The following GUCY2F variants were observed in gnomAD, a reference collection of about 807,000 sequenced individuals.
GUCY2F encodes retinal guanylyl cyclase 2.
Under a neutral mutation model 73.1 loss-of-function variants are expected in GUCY2F, and 61 were observed. The ratio of observed to expected loss-of-function variants is 0.83; its 90% CI spans 0.68 to 1.03. The LOEUF is 1.03. Among genes scored for constraint, GUCY2F ranks in the 50% least tolerant of loss-of-function variants. The pLI, the probability that GUCY2F is intolerant of heterozygous loss-of-function variation, is 0.00. For missense variants in GUCY2F, 912 were observed against 854.3 expected, an observed-to-expected ratio of 1.07 and a Z score of -0.84; for synonymous variants, 331 against 307.8, an observed-to-expected ratio of 1.08 and a Z score of -0.79.
At chrX:109,399,848 C>A (rs761673676) in intron 10 of GUCY2F, among the ~76,000 whole-genome samples, 16 of 108,909 alleles carry the variant, frequency 1.5e-4, no homozygotes, top group Non-Finnish European at 2.9e-4. Context: ...GAACAAGAGG[C>A]AGAAAGGAGC....
intron 2 of GUCY2F, among the ~76,000 whole-genome samples, chrX:109,470,366 C>A (rs930181992): frequency 9.0e-6 from 1 of 111,675 alleles, no homozygotes; most frequent in Non-Finnish European, 1.9e-5. Flanking sequence ...TTACATTATA[C>A]CAAATCCTAT....
intron 17 of GUCY2F, among the ~76,000 whole-genome samples, chrX:109,376,777 T>C (rs1214257562): frequency 3.6e-5 from 4 of 111,696 alleles, no homozygotes; most frequent in African/African-American, 1.3e-4. Flanking sequence ...AAACTCAAGC[T>C]AGTCACCCCA....
At chrX:109,376,256 T>C in intron 17 of GUCY2F, 89 bp from the exon 18 acceptor site, 1 of 631,662 alleles carries the variant, frequency 1.6e-6, no homozygotes, top group Admixed American at 2.6e-5. Context: ...AGAAATTGCC[T>C]CACCACTCCC....
chrX:109,428,891 A>G (rs767546250), intron 8 of GUCY2F, among the ~76,000 whole-genome samples: 159 of 112,284 alleles, frequency 1.4e-3, no homozygotes, highest in African/African-American at 4.9e-3. Context: ...GTTTGAAATT[A>G]TGTCAAAATT....
Position 109,409,010 on chromosome X carries a change from G to A in GUCY2F, c.1950C>T (p.Leu650=), listed in dbSNP as rs776491959. ...VKLDWMFKSS[L]LLDLIKGMKY... is the part of the protein sequence containing the mutation. ...CATTAACCTTTATGAGATCCAGCAA[G>A]AGTGATGATTTAAACATCCAGTCAA... Residue 650 remains leucine (L), a synonymous_variant, in exon 9 of 20, where the codon CTC becomes CTT. Coordinates refer to ENST00000218006, the MANE Select transcript of GUCY2F (RefSeq NM_001522.3). The A allele has an allele frequency of 3.5e-6, 4 of 1,136,544 alleles. No individual in the cohort carries two copies. Among genetic ancestry groups the A allele is most frequent in the Non-Finnish European group, 4.8e-6 (4 of 827,518 alleles). 93.7% of individuals were successfully genotyped at this position (1,136,544 alleles called of 1,213,427 possible). A position where few individuals can be genotyped will look rare whatever the true frequency, so the allele number is the denominator to read the frequency against.
rs758536966 is a variant in GUCY2F, at chrX:109,453,686, T to G, written c.1206A>C (p.Gly402=). Residue 402 remains glycine, a synonymous_variant, in exon 4 of 20, where the codon GGA becomes GGC. Transcript: ENST00000218006. ...QLMRTDSNGN[G]ISEYVILDTN... is the part of the protein sequence containing the mutation. The stretch of plus-strand genomic sequence containing the variant: ...TGTCCAGGATTACATATTCTGAAAT[T>G]CCATTTCCATTTGAATCTGTCCTCA... The G allele has an allele frequency of 4.1e-6, 5 of 1,206,088 alleles. No homozygotes were observed. The South Asian group carries it at 7.0e-5, about 17-fold the overall frequency.
intron 7 of GUCY2F, among the ~76,000 whole-genome samples, chrX:109,430,909 G>A (rs931397918): frequency 3.6e-5 from 4 of 110,812 alleles, no homozygotes; most frequent in Non-Finnish European, 5.7e-5. Flanking sequence ...ATGGAGGGGG[G>A]GCTGTCTTAT....
intron 11 of GUCY2F, among the ~76,000 whole-genome samples, chrX:109,397,326 C>T (rs1403782072): frequency 1.8e-5 from 2 of 111,388 alleles, no homozygotes; most frequent in African/African-American, 3.3e-5. Flanking sequence ...AGGAGTCTCA[C>T]CTTCACTTAA....
At chrX:109,382,696 G>T (rs1467837367) in intron 16 of GUCY2F, among the ~76,000 whole-genome samples, 4 of 112,074 alleles carry the variant, frequency 3.6e-5, no homozygotes, top group Non-Finnish European at 7.5e-5. Context: ...ACATCAATGA[G>T]AAATATCCCA....
intron 3 of GUCY2F, among the ~76,000 whole-genome samples, chrX:109,458,449 G>C (rs886685183): frequency 1.8e-5 from 2 of 111,450 alleles, no homozygotes; most frequent in African/African-American, 6.5e-5. Flanking sequence ...AAACGACCTG[G>C]TACAGAGTAA....
At chrX:109,449,479 C>A (rs1159845699) in intron 5 of GUCY2F, among the ~76,000 whole-genome samples, 1 of 111,729 alleles carries the variant, frequency 9.0e-6, no homozygotes, top group Non-Finnish European at 1.9e-5. Flanking sequence ...ACAGGCACAC[C>A]TGTAAAAATA....
At chrX:109,413,192 AG>A (rs1931153114) in intron 8 of GUCY2F, among the ~76,000 whole-genome samples, 1 of 112,309 alleles carries the variant, frequency 8.9e-6, no homozygotes, top group Non-Finnish European at 1.9e-5. Context: ...AAGAGCAGGT[AG>A]ATGCCTACAT....
At chrX:109,481,042 A>AGAAGGAAGGAAGGAAGGAAGGAAG (rs773258991) in intron 1 of GUCY2F, among the ~76,000 whole-genome samples, 1 of 40,197 alleles carries the variant, frequency 2.5e-5, no homozygotes, top group Non-Finnish European at 4.2e-5. Context: ...AAGGGAGAGA[A>AGAAGGAAGGAAGGAAGGAAGGAAG]GAAGGAAGGA....
rs1434543907 is a variant in GUCY2F, at chrX:109,465,259, C to G, written c.915G>C (p.Arg305=). ...YRVLRNNPKL[R]EAYDAVLTIT... ...TGGTCAACACTGCATCATAGGCTTC[C>G]CGGAGCTTTGGGTTGTTCCTTAGGA... is the stretch of plus-strand genomic sequence containing the variant. Residue 305 remains arginine, a synonymous_variant, in exon 3 of 20, where the codon CGG becomes CGC. Transcript: ENST00000218006. 8.3e-7 allele frequency: 1 copy of G among 1,207,880 alleles called. No homozygotes were observed. Among genetic ancestry groups the G allele is most frequent in the East Asian group, 3.0e-5 (1 of 33,743 alleles).
At chrX:109,389,575 T>C (rs1456402711) in intron 14 of GUCY2F, among the ~76,000 whole-genome samples, 16 of 112,247 alleles carry the variant, frequency 1.4e-4, no homozygotes, top group African/African-American at 4.9e-4. Context: ...TGTGTGGCCA[T>C]GGGCAAATCA....
At chrX:109,450,928 G>A (rs761680434) in intron 5 of GUCY2F, among the ~76,000 whole-genome samples, 12 of 111,098 alleles carry the variant, frequency 1.1e-4, no homozygotes, top group African/African-American at 2.6e-4. Context: ...AGAAAATTCC[G>A]GCCAAGAAAG....
chrX:109,436,803 G>A (rs1228498036), intron 7 of GUCY2F, among the ~76,000 whole-genome samples: 1 of 108,414 alleles, frequency 9.2e-6, no homozygotes, highest in Non-Finnish European at 1.9e-5. Flanking sequence ...GGGGAGTGGG[G>A]AGGGATAGCA....
At chrX:109,382,297 C>T in intron 16 of GUCY2F, 85 bp from the exon 17 acceptor site, 1 of 561,227 alleles carries the variant, frequency 1.8e-6, no homozygotes, top group Non-Finnish European at 3.1e-6. Flanking sequence ...AATGTCTTCA[C>T]TTGTAAATGA....
At chrX:109,381,132 T>C (rs1478392647) in intron 17 of GUCY2F, among the ~76,000 whole-genome samples, 1 of 112,081 alleles carries the variant, frequency 8.9e-6, no homozygotes, top group Non-Finnish European at 1.9e-5. Context: ...TCAACTAGAG[T>C]TAGACCTTCC....
Sources: gnomAD v4.1 joint callset for allele counts (sites outside exome capture counted in the v4.1 genomes callset) on GRCh38, gnomAD v4.1.1 for gene constraint, MANE v1.5 for transcripts, NCBI Gene and HGNC (gene_info 2026-07-23, HGNC 2026-07-21) for gene names.